CPE: variants seen among roughly 807,000 people sequenced by gnomAD.
CPE encodes the protein carboxypeptidase E.
In CPE, 17 loss-of-function variants were observed where a neutral mutation model predicts 53.5. The observed-to-expected ratio is 0.32, with a 90% CI of 0.22 to 0.48. The LOEUF is 0.48. Among genes scored for constraint, CPE ranks in the 20% least tolerant of loss-of-function variants. The probability of loss-of-function intolerance (pLI) is 0.99; values close to 1 mark genes in which losing one functional copy is unlikely to be tolerated. For synonymous variants in CPE, 226 were observed against 228.8 expected, an observed-to-expected ratio of 0.99 and a Z score of 0.11; for missense variants, 524 against 614.7, an observed-to-expected ratio of 0.85 and a Z score of 1.56.
chr4:165,448,646 C>A (rs894660160), intron 1 of CPE, among the ~76,000 whole-genome samples: 1 of 151,634 alleles, frequency 6.6e-6, no homozygotes, highest in African/African-American at 2.4e-5. Flanking sequence ...AAAAAAAAAA[C>A]CCTTCTTTTA....
chr4:165,424,067 TTTGA>T (rs72288230), intron 1 of CPE, among the ~76,000 whole-genome samples: 44,560 of 151,482 alleles, frequency 0.29, 6,618 homozygotes, highest in Middle Eastern at 0.39. Flanking sequence ...TGTAATTGTG[TTTGA>T]TTATTGCCTA....
intron 1 of CPE, among the ~76,000 whole-genome samples, chr4:165,388,520 T>TG (rs1023802957): frequency 6.6e-6 from 1 of 152,214 alleles, no homozygotes; most frequent in African/African-American, 2.4e-5. Context: ...GCAATGCCAT[T>TG]GCGTTCCTTG....
At chr4:165,424,247 GT>G (rs1383160490) in intron 1 of CPE, among the ~76,000 whole-genome samples, 1 of 147,648 alleles carries the variant, frequency 6.8e-6, no homozygotes, top group Non-Finnish European at 1.5e-5. Context: ...TACCTTACTT[GT>G]TTTTTATTTT....
At chr4:165,386,763 G>A (rs553925574) in intron 1 of CPE, among the ~76,000 whole-genome samples, 54 of 152,226 alleles carry the variant, frequency 3.5e-4, no homozygotes, top group African/African-American at 1.3e-3. Context: ...AAAGATAATT[G>A]GTAAGCATTT....
intron 1 of CPE, among the ~76,000 whole-genome samples, chr4:165,446,412 C>T (rs1166792467): frequency 1.3e-5 from 2 of 152,206 alleles, no homozygotes; most frequent in Admixed American, 6.6e-5. Context: ...TGGCAAGATA[C>T]ATTGGATGGA....
At chr4:165,415,787 T>C (rs1043379521) in intron 1 of CPE, among the ~76,000 whole-genome samples, 4 of 152,130 alleles carry the variant, frequency 2.6e-5, no homozygotes, top group Admixed American at 2.0e-4. Context: ...ATAGTACATA[T>C]TTGTGTAGTA....
intron 1 of CPE, among the ~76,000 whole-genome samples, chr4:165,411,680 C>T (rs1731045009): frequency 6.6e-6 from 1 of 152,164 alleles, no homozygotes; most frequent in Non-Finnish European, 1.5e-5. Flanking sequence ...ACCTCAATAC[C>T]TGTGGAATGT....
At chr4:165,426,682 C>T (rs1452594358) in intron 1 of CPE, among the ~76,000 whole-genome samples, 2 of 152,028 alleles carry the variant, frequency 1.3e-5, no homozygotes, top group African/African-American at 2.4e-5. Flanking sequence ...TAAAGAAATA[C>T]ACATGCACAC....
intron 1 of CPE, among the ~76,000 whole-genome samples, chr4:165,407,598 C>A (rs10012690): frequency 0.48 from 72,344 of 150,820 alleles, 17,763 homozygotes; most frequent in African/African-American, 0.58. Flanking sequence ...CCCAGGCTGG[C>A]GTGCAGTGGT....
intron 1 of CPE, among the ~76,000 whole-genome samples, chr4:165,416,112 A>C (rs1204770410): frequency 6.6e-6 from 1 of 152,090 alleles, no homozygotes; most frequent in East Asian, 1.9e-4. Context: ...CTACTTCCCT[A>C]CTCCTGCGCC....
rs1307615886 is a variant in CPE at position 165,476,865 on chromosome 4, C to T, written c.673-5377C>T. Among the ~76,000 whole-genome samples the T allele has an allele frequency of 2.0e-5, 3 of 151,470 alleles. No individual in the cohort carries two copies. The East Asian group carries it at 5.8e-4, about 29-fold the overall frequency. On this transcript the variant is annotated intron_variant, in intron 3 of 8. Coordinates refer to ENST00000402744, the MANE Select transcript of CPE (RefSeq NM_001873.4). ...GTCACTGTCTCAGCCTGAAAATTAT[C>T]TTTCATGGGAGAGGGGGAGCCAGAA...
intron 1 of CPE, among the ~76,000 whole-genome samples, chr4:165,425,470 C>T (rs13102614): frequency 0.3 from 44,988 of 151,822 alleles, 6,744 homozygotes; most frequent in Middle Eastern, 0.39. Flanking sequence ...TACAGTTAGA[C>T]GACAAGGTGA....
intron 1 of CPE, among the ~76,000 whole-genome samples, chr4:165,393,284 T>G (rs1176523240): frequency 6.6e-6 from 1 of 152,220 alleles, no homozygotes; most frequent in Non-Finnish European, 1.5e-5. Flanking sequence ...TGCATTTGTC[T>G]AACACTTGAA....
intron 1 of CPE, chr4:165,404,984 A>G (rs1453368424): frequency 4.0e-6 from 3 of 752,974 alleles, no homozygotes; most frequent in East Asian, 2.5e-5. Flanking sequence ...TTCCTTTAGC[A>G]CTCTGTGCTT....
In CPE at chr4:165,467,749, G is replaced by A. The variant is rs756392535; in HGVS notation, c.566G>A (p.Arg189Gln). 42 of 1,613,392 alleles carry A rather than the reference G, an allele frequency of 2.6e-5. No homozygotes were observed. Among genetic ancestry groups the A allele is most frequent in the East Asian group, 8.9e-5 (4 of 44,840 alleles). ...AATGCCCAGGGAATAGATCTGAACC[G>A]GAACTTTCCAGACCTGGATAGGATA... ...RSNAQGIDLN[R>Q]NFPDLDRIVY... is the part of the protein sequence containing the mutation. The change falls in exon 3 of 9, where the codon CGG becomes CAG. Residue 189 changes from arginine (R) to glutamine (Q), a missense_variant. Coordinates refer to ENST00000402744, the MANE Select transcript of CPE (RefSeq NM_001873.4).
At chr4:165,392,808 A>G (rs982972402) in intron 1 of CPE, among the ~76,000 whole-genome samples, 2 of 148,658 alleles carry the variant, frequency 1.3e-5, no homozygotes, top group African/African-American at 4.9e-5. Context: ...TTTTCTCTAG[A>G]TGAAAATTTT....
chr4:165,403,147 T>G (rs1040220682), intron 1 of CPE, among the ~76,000 whole-genome samples: 7 of 152,216 alleles, frequency 4.6e-5, no homozygotes, highest in Non-Finnish European at 7.3e-5. Context: ...ATATTTTGAT[T>G]GCTATTTGAT....
chr4:165,384,575 C>T (rs938341794), intron 1 of CPE, among the ~76,000 whole-genome samples: 3 of 152,186 alleles, frequency 2.0e-5, no homozygotes. Flanking sequence ...ATGATTGTAC[C>T]ACTGCACTCC....
At chr4:165,412,384 T>C (rs546105186) in intron 1 of CPE, among the ~76,000 whole-genome samples, 36 of 152,320 alleles carry the variant, frequency 2.4e-4, no homozygotes, top group African/African-American at 8.2e-4. Flanking sequence ...ATACTAACAT[T>C]AGTAAGCAAG....
Sources: gnomAD v4.1 joint callset for allele counts (sites outside exome capture counted in the v4.1 genomes callset) on GRCh38, gnomAD v4.1.1 for gene constraint, MANE v1.5 for transcripts, NCBI Gene and HGNC (gene_info 2026-07-23, HGNC 2026-07-21) for gene names.